The following MTMR8 variants were observed in gnomAD, a reference collection of about 807,000 sequenced individuals.
The protein encoded by MTMR8 is myotubularin related protein 8.
In MTMR8, 65 loss-of-function variants were observed where a neutral mutation model predicts 39.3. That is an observed-to-expected ratio of 1.65 (90% confidence interval 1.35 to 2.03). The LOEUF (loss-of-function observed/expected upper bound fraction) is 2.03. Ranked by LOEUF, MTMR8 falls within the 30% of genes most tolerant of loss-of-function variation. The pLI is 0.00. For missense variants in MTMR8, 777 were observed against 538.9 expected (o/e 1.44, Z -4.37); for synonymous variants, 245 against 185.2 (o/e 1.32, Z -2.62).
intron 12 of MTMR8, among the ~76,000 whole-genome samples, chrX:64,308,417 A>G (rs1348192787): frequency 2.0e-5 from 2 of 101,550 alleles, no homozygotes; most frequent in Non-Finnish European, 3.9e-5. Flanking sequence ...GATCCACTGG[A>G]CTCGGCCTCC....
At chrX:64,275,141 T>A (rs901653504) in intron 12 of MTMR8, among the ~76,000 whole-genome samples, 6 of 111,216 alleles carry the variant, frequency 5.4e-5, no homozygotes, top group African/African-American at 2.0e-4. Context: ...TATTCATATA[T>A]CAAAACATCA....
chrX:64,281,283 A>G (rs920621461), intron 12 of MTMR8, among the ~76,000 whole-genome samples: 2 of 111,932 alleles, frequency 1.8e-5, no homozygotes, highest in Middle Eastern at 4.2e-3. Context: ...GTATCACACT[A>G]CTTGACTTCA....
rs143095905 is a variant in MTMR8 at position 64,314,732 on chromosome X, G to C, written c.1481+14040C>G. Among the ~76,000 whole-genome samples the C allele has an allele frequency of 9.9e-3, 1,118 of 112,622 alleles. 26 individuals carry two copies. Among genetic ancestry groups the C allele is most frequent in the African/African-American group, 0.034 (1,070 of 31,027 alleles). On this transcript the variant is annotated intron_variant, in intron 12 of 13. Coordinates refer to ENST00000374852, the MANE Select transcript of MTMR8 (RefSeq NM_017677.4). ...GCCCCACGTACACATGTGCGGTCAA[G>C]GCAATGTGGGAAGTGGCCCTGGGCC...
At chrX:64,332,877 C>T (rs1236887767) in intron 10 of MTMR8, among the ~76,000 whole-genome samples, 3 of 111,642 alleles carry the variant, frequency 2.7e-5, no homozygotes, top group Non-Finnish European at 5.6e-5. Context: ...CCACTCTGAA[C>T]ACCATATATT....
chrX:64,297,917 C>T (rs1309508615), intron 12 of MTMR8, among the ~76,000 whole-genome samples: 5 of 99,839 alleles, frequency 5.0e-5, no homozygotes, highest in African/African-American at 1.8e-4. Flanking sequence ...TTTCTGAGGG[C>T]TCTGTTCTGT....
chrX:64,320,382 T>C, intron 12 of MTMR8, among the ~76,000 whole-genome samples: 1 of 110,699 alleles, frequency 9.0e-6, no homozygotes, highest in South Asian at 3.9e-4. Context: ...ACATTACTGA[T>C]GTGGCTCGCT....
At chrX:64,285,896 T>G (rs1172151222) in intron 12 of MTMR8, among the ~76,000 whole-genome samples, 2 of 110,864 alleles carry the variant, frequency 1.8e-5, no homozygotes, top group African/African-American at 6.6e-5. Context: ...ATTGACACCC[T>G]AACATCACAA....
At chrX:64,306,560 A>G (rs1321399305) in intron 12 of MTMR8, 4 of 119,007 alleles carry the variant, frequency 3.4e-5, no homozygotes, top group African/African-American at 1.3e-4. Context: ...CATCATTTGT[A>G]TCAGTCTTCA....
At chrX:64,328,044 GA>G (rs1191826501) in intron 12 of MTMR8, among the ~76,000 whole-genome samples, 1 of 111,598 alleles carries the variant, frequency 9.0e-6, no homozygotes, top group African/African-American at 3.3e-5. Flanking sequence ...ACTGAAAACA[GA>G]AGAGAACATC....
chrX:64,328,940 G>A, intron 11 of MTMR8, 40 bp from the exon 12 acceptor site: 4 of 1,159,483 alleles, frequency 3.4e-6, no homozygotes, highest in Non-Finnish European at 4.6e-6. Context: ...TTAAAAGCAG[G>A]AAGCAAGTAA....
At chrX:64,363,290 C>T (rs953500389) in intron 1 of MTMR8, among the ~76,000 whole-genome samples, 1 of 112,105 alleles carries the variant, frequency 8.9e-6, no homozygotes, top group Non-Finnish European at 1.9e-5. Flanking sequence ...AAATATAATG[C>T]CCAATGTTGG....
intron 1 of MTMR8, among the ~76,000 whole-genome samples, chrX:64,394,070 T>C (rs1295783086): frequency 8.9e-6 from 1 of 111,879 alleles, no homozygotes; most frequent in Non-Finnish European, 1.9e-5. Flanking sequence ...CTCACAATTA[T>C]GGAGGAAGGC....
chrX:64,317,357 C>T (rs1922497043), intron 12 of MTMR8, among the ~76,000 whole-genome samples: 1 of 111,073 alleles, frequency 9.0e-6, no homozygotes, highest in Admixed American at 9.6e-5. Flanking sequence ...TCATTATTGT[C>T]CCACAGACCC....
chrX:64,284,771 T>G, intron 12 of MTMR8, among the ~76,000 whole-genome samples: 1 of 111,231 alleles, frequency 9.0e-6, no homozygotes, highest in East Asian at 2.8e-4. Context: ...GACAAGCAAA[T>G]GCTGAGAGAT....
At chrX:64,309,167 T>G (rs1248065188) in intron 12 of MTMR8, among the ~76,000 whole-genome samples, 1 of 112,016 alleles carries the variant, frequency 8.9e-6, no homozygotes, top group Non-Finnish European at 1.9e-5. Flanking sequence ...AGATTTTGAT[T>G]GAGATTTTAT....
intron 1 of MTMR8, among the ~76,000 whole-genome samples, chrX:64,374,334 T>C (rs1314020209): frequency 1.8e-5 from 2 of 111,890 alleles, no homozygotes; most frequent in Non-Finnish European, 1.9e-5. Context: ...TTCTGTAGTA[T>C]CTACTATTTT....
intron 12 of MTMR8, among the ~76,000 whole-genome samples, chrX:64,274,807 GA>G (rs1931835357): frequency 8.9e-6 from 1 of 112,058 alleles, no homozygotes; most frequent in South Asian, 3.7e-4. Context: ...GCCAGACACA[GA>G]AAGACAAAAA....
intron 12 of MTMR8, among the ~76,000 whole-genome samples, chrX:64,316,853 G>A (rs188234564): frequency 4.7e-4 from 52 of 110,501 alleles, no homozygotes; most frequent in Non-Finnish European, 9.1e-4. Context: ...GCTCACGGCT[G>A]TAATCATAGC....
chrX:64,351,518 G>A (rs897920081), intron 4 of MTMR8, among the ~76,000 whole-genome samples: 3 of 111,332 alleles, frequency 2.7e-5, no homozygotes, highest in Non-Finnish European at 5.7e-5. Context: ...TATGTATATA[G>A]GAAAGGGAGT....
Sources: allele counts gnomAD v4.1 joint callset (sites outside exome capture counted in the v4.1 genomes callset), GRCh38; gene constraint gnomAD v4.1.1; transcripts MANE v1.5; gene names NCBI Gene and HGNC (gene_info 2026-07-23, HGNC 2026-07-21).